LRIG1: variants seen among roughly 807,000 people sequenced by gnomAD.
LRIG1 encodes the protein leucine rich repeats and immunoglobulin like domains 1, also known as leucine-rich repeats and immunoglobulin-like domains protein 1.
LRIG1 carries 48 observed loss-of-function variants against 99.2 expected under a neutral mutation model. The observed-to-expected ratio is 0.48, with a 90% CI of 0.38 to 0.62. The LOEUF is 0.62. Ranked by LOEUF, LRIG1 falls within the 20% of genes least tolerant of loss-of-function variation. LRIG1 has a pLI of 0.00. For synonymous variants in LRIG1, 772 were observed against 596.1 expected, an observed-to-expected ratio of 1.29 and a Z score of -4.30; for missense variants, 1,646 against 1,434.4, an observed-to-expected ratio of 1.15 and a Z score of -2.38.
At chr3:66,459,053 T>A (rs1294292416) in intron 2 of LRIG1, among the ~76,000 whole-genome samples, 3 of 151,100 alleles carry the variant, frequency 2.0e-5, no homozygotes, top group Non-Finnish European at 4.4e-5. Flanking sequence ...TATCACAGAG[T>A]TGATGTTAGG....
At chr3:66,406,966 G>C (rs1451752828) in intron 8 of LRIG1, among the ~76,000 whole-genome samples, 2 of 152,208 alleles carry the variant, frequency 1.3e-5, no homozygotes, top group African/African-American at 4.8e-5. Flanking sequence ...TGCAGCTGAA[G>C]ACTCAAGATG....
intron 8 of LRIG1, among the ~76,000 whole-genome samples, chr3:66,406,803 G>A (rs1280689949): frequency 1.3e-5 from 2 of 152,190 alleles, no homozygotes; most frequent in Non-Finnish European, 2.9e-5. Flanking sequence ...GACCCCCGAC[G>A]AGGTACAAGG....
intron 8 of LRIG1, chr3:66,406,534 T>G (rs370706434): frequency 7.1e-5 from 32 of 449,864 alleles, no homozygotes; most frequent in Non-Finnish European, 9.4e-5. Context: ...CCTCCCTCCC[T>G]GTCACACTGG....
intron 13 of LRIG1, among the ~76,000 whole-genome samples, chr3:66,384,893 G>A (rs577744046): frequency 4.6e-5 from 7 of 152,248 alleles, no homozygotes; most frequent in Middle Eastern, 3.4e-3. Context: ...TCCTGTCAAC[G>A]TCAATTTTGG....
chr3:66,412,780 T>C (rs917984086), intron 6 of LRIG1, 91 bp downstream of exon 6: 1 of 1,459,440 alleles, frequency 6.9e-7, no homozygotes, highest in South Asian at 1.2e-5. Context: ...TTGGTGTTGG[T>C]GCGCACATGC....
chr3:66,429,593 G>T (rs900350568), intron 3 of LRIG1, among the ~76,000 whole-genome samples: 2 of 151,912 alleles, frequency 1.3e-5, no homozygotes, highest in African/African-American at 4.8e-5. Context: ...TTCAGCACAG[G>T]AGATTTTTAG....
intron 4 of LRIG1, among the ~76,000 whole-genome samples, chr3:66,415,504 C>G (rs1281131500): frequency 6.6e-6 from 1 of 152,150 alleles, no homozygotes; most frequent in Non-Finnish European, 1.5e-5. Flanking sequence ...AGAGAAATAG[C>G]CTTTAGTTTT....
rs77414171 is a variant in LRIG1, at chr3:66,498,549, C to T, written c.218+1641G>A. Among the ~76,000 whole-genome samples the T allele has an allele frequency of 9.0e-3, 1,348 of 149,522 alleles. 24 individuals are homozygous for T. Among genetic ancestry groups the T allele is most frequent in the African/African-American group, 0.032 (1,271 of 39,710 alleles). On this transcript the variant is annotated intron_variant, in intron 1 of 18. Coordinates refer to ENST00000273261, the MANE Select transcript of LRIG1 (RefSeq NM_015541.3). ...ACTTAAGAAGTTAATCTGATTTTGC[C>T]CACATGATTCTATTTAAAAAAAAAA... is the stretch of plus-strand genomic sequence containing the variant.
intron 1 of LRIG1, among the ~76,000 whole-genome samples, chr3:66,474,331 A>G (rs1445821427): frequency 1.3e-5 from 2 of 151,544 alleles, no homozygotes; most frequent in African/African-American, 2.4e-5. Context: ...CCTCTTCCAC[A>G]AGGTCCATCT....
chr3:66,388,179 T>G (rs1426498942), intron 12 of LRIG1: 1 of 130,302 alleles, frequency 7.7e-6, no homozygotes, highest in Admixed American at 7.6e-5. Flanking sequence ...AAATTATAGA[T>G]ATGAACCAAG....
chr3:66,451,216 C>T (rs1703892973), intron 3 of LRIG1, among the ~76,000 whole-genome samples: 1 of 152,022 alleles, frequency 6.6e-6, no homozygotes, highest in South Asian at 2.1e-4. Flanking sequence ...TGTCTTATAA[C>T]TGACACAGCT....
chr3:66,426,427 G>C (rs1295593244), intron 3 of LRIG1, among the ~76,000 whole-genome samples: 2 of 152,146 alleles, frequency 1.3e-5, no homozygotes, highest in Non-Finnish European at 2.9e-5. Context: ...GGGGTGCAGA[G>C]ACCCAGACTC....
chr3:66,405,284 G>T lies in LRIG1; in HGVS notation c.1080-6C>A, dbSNP rs1358931053. The T allele has an allele frequency of 6.2e-7, 1 of 1,612,360 alleles. No individual in the cohort carries two copies. The highest frequency in any genetic ancestry group is 2.2e-5 in the East Asian group (1 of 44,870). On this transcript the variant is annotated splice_polypyrimidine_tract_variant and splice_region_variant and intron_variant, in intron 8 of 18. Transcript: ENST00000273261. ...TCTCGTTATGGTCCAGATCCCTGGG[G>T]AGAGGACAGAAAGCAGCTCACCGAG...
chr3:66,438,486 C>A (rs890580754), intron 3 of LRIG1, among the ~76,000 whole-genome samples: 1 of 152,132 alleles, frequency 6.6e-6, no homozygotes, highest in Non-Finnish European at 1.5e-5. Context: ...ACAGAAGTCA[C>A]AAAGAGAAGT....
intron 1 of LRIG1, among the ~76,000 whole-genome samples, chr3:66,494,488 G>C (rs1701184388): frequency 6.6e-6 from 1 of 152,176 alleles, no homozygotes; most frequent in Non-Finnish European, 1.5e-5. Flanking sequence ...TGCCCATTTA[G>C]AAGATATAAA....
chr3:66,440,973 G>C (rs777928989), intron 3 of LRIG1, among the ~76,000 whole-genome samples: 1 of 152,114 alleles, frequency 6.6e-6, no homozygotes, highest in African/African-American at 2.4e-5. Context: ...CTGAATCAGC[G>C]TAAGGTGAAG....
chr3:66,455,199 C>A (rs1008962353), intron 2 of LRIG1, among the ~76,000 whole-genome samples: 58 of 152,210 alleles, frequency 3.8e-4, no homozygotes, highest in African/African-American at 1.4e-3. Flanking sequence ...CCCTTCTCGG[C>A]CTCTCAATGT....
intron 3 of LRIG1, among the ~76,000 whole-genome samples, chr3:66,424,362 T>A (rs1362493718): frequency 1.3e-5 from 2 of 151,904 alleles, no homozygotes; most frequent in African/African-American, 2.4e-5. Context: ...CTCCCCCCCA[T>A]GAAGGTTAGA....
chr3:66,384,328 G>T lies in LRIG1; in HGVS notation c.1790-56C>A, dbSNP rs545503220. 105 of 1,552,422 alleles carry T rather than the reference G, an allele frequency of 6.8e-5. 2 individuals carry two copies. In the South Asian group the frequency reaches 1.0e-3, roughly 15 times the overall value. On this transcript the variant is annotated intron_variant, in intron 13 of 18. Transcript: ENST00000273261. ...ACGGGACAGCTAGATGCAAAACCAG[G>T]AAGTCCTCTGGCAAACACCTACCTG...
Sources: gnomAD v4.1 joint callset for allele counts (sites outside exome capture counted in the v4.1 genomes callset) on GRCh38, gnomAD v4.1.1 for gene constraint, MANE v1.5 for transcripts, NCBI Gene and HGNC (gene_info 2026-07-23, HGNC 2026-07-21) for gene names.